TRIM71: variants seen among roughly 807,000 people sequenced by gnomAD.
TRIM71 encodes E3 ubiquitin-protein ligase TRIM71.
Under a neutral mutation model 61.2 loss-of-function variants are expected in TRIM71, and 9 were observed. The ratio of observed to expected loss-of-function variants is 0.15; its 90% CI spans 0.09 to 0.26. The LOEUF (loss-of-function observed/expected upper bound fraction) is 0.26. TRIM71 is among the 10% of genes least tolerant of loss of function. The probability of loss-of-function intolerance (pLI) is 1.00; values close to 1 mark genes in which losing one functional copy is unlikely to be tolerated. For synonymous variants in TRIM71, 645 were observed against 553.2 expected (o/e 1.17, Z -2.33); for missense variants, 998 against 1,238.7 (o/e 0.81, Z 2.92).
intron 2 of TRIM71, among the ~76,000 whole-genome samples, chr3:32,876,747 A>T (rs187404187): frequency 6.6e-6 from 1 of 152,328 alleles, no homozygotes; most frequent in African/African-American, 2.4e-5. Flanking sequence ...AAAAGCCACC[A>T]TGGGGGAGAA....
chr3:32,832,628 T>C lies in TRIM71; in HGVS notation c.852+13696T>C, dbSNP rs983933898. On this transcript the variant is annotated intron_variant, in intron 1 of 3. Transcript: ENST00000383763. ...TGAGCCTGGGAGGTGGAGGTTGTAG[T>C]GAGCTGAGATCATACCACTGCATTC... Among the ~76,000 whole-genome samples, 24 of 151,752 alleles carry C rather than the reference T, an allele frequency of 1.6e-4. 1 individual carries two copies.
chr3:32,818,423 C>T lies in TRIM71; in HGVS notation c.343C>T (p.Leu115=), dbSNP rs1215311921. ...GGACGCGCTGCCTTCGTCCGCCTTC[C>T]TGCTTAGCAACCTGCTCGACGCGGT... The part of the protein sequence containing the change: ...GMDALPSSAF[L]LSNLLDAVVA... The change falls in exon 1 of 4, where the codon CTG becomes TTG. Residue 115 remains leucine, a synonymous_variant. Transcript: ENST00000383763. 9 of 1,476,586 alleles carry T rather than the reference C, an allele frequency of 6.1e-6. No individual in the cohort carries two copies. Among genetic ancestry groups the T allele is most frequent in the Admixed American group, 2.3e-5 (1 of 44,072 alleles). The allele number at this position is 1,476,586 out of a possible 1,614,324, so 91.5% of individuals were successfully genotyped here. A position where few individuals can be genotyped will look rare whatever the true frequency, so the allele number is the denominator to read the frequency against.
rs1021813503 is a variant in TRIM71 at position 32,893,451 on chromosome 3, C to T, written c.*1640C>T. The T allele has an allele frequency of 6.6e-6, 1 of 152,154 alleles. No individual in the cohort carries two copies. Among genetic ancestry groups the T allele is most frequent in the Non-Finnish European group, 1.5e-5 (1 of 68,034 alleles). 9.4% of individuals were successfully genotyped at this position (152,154 alleles called of 1,614,324 possible). ...GTGCAAAGCAGATGTAGCTGATACCCTGCTTGTCAGAACCCAGTGGGTTCC... is the reference window on the plus strand; with the variant it reads ...GTGCAAAGCAGATGTAGCTGATACCTTGCTTGTCAGAACCCAGTGGGTTCC... On this transcript the variant is annotated 3_prime_UTR_variant, in exon 4 of 4. Coordinates refer to ENST00000383763, the MANE Select transcript of TRIM71 (RefSeq NM_001039111.3).
At chr3:32,866,335 G>GC (rs914026834) in intron 1 of TRIM71, among the ~76,000 whole-genome samples, 4 of 151,796 alleles carry the variant, frequency 2.6e-5, no homozygotes, top group African/African-American at 9.7e-5. Flanking sequence ...TGCAATCTCT[G>GC]CCCCCTGGGT....
chr3:32,878,370 G>A (rs1227800234), intron 2 of TRIM71, among the ~76,000 whole-genome samples: 2 of 152,210 alleles, frequency 1.3e-5, no homozygotes, highest in Non-Finnish European at 2.9e-5. Context: ...AGCACTTTGG[G>A]AGCCCGAGGC....
intron 2 of TRIM71, among the ~76,000 whole-genome samples, chr3:32,883,268 A>G (rs1012031847): frequency 6.6e-6 from 1 of 152,198 alleles, no homozygotes; most frequent in African/African-American, 2.4e-5. Flanking sequence ...TGTGGATGTA[A>G]TATCTGTCTG....
intron 1 of TRIM71, among the ~76,000 whole-genome samples, chr3:32,867,001 T>A (rs58840437): frequency 0.01 from 1,545 of 152,306 alleles, 25 homozygotes; most frequent in African/African-American, 0.035. Context: ...TACCTCTCCC[T>A]GGGTACCAGC....
intron 1 of TRIM71, among the ~76,000 whole-genome samples, chr3:32,852,444 C>G (rs1334434755): frequency 6.6e-6 from 1 of 152,160 alleles, no homozygotes; most frequent in Non-Finnish European, 1.5e-5. Context: ...GAGTGGGGCT[C>G]TCAGATGTGA....
intron 1 of TRIM71, among the ~76,000 whole-genome samples, chr3:32,826,116 C>T (rs1696198115): frequency 6.6e-6 from 1 of 152,174 alleles, no homozygotes; most frequent in Non-Finnish European, 1.5e-5. Flanking sequence ...TTGCTTACAA[C>T]TGGCTTTGAA....
intron 1 of TRIM71, among the ~76,000 whole-genome samples, chr3:32,858,631 C>G (rs370330804): frequency 6.6e-6 from 1 of 152,244 alleles, no homozygotes; most frequent in African/African-American, 2.4e-5. Flanking sequence ...GTTTTAGATG[C>G]AGTGGGATGA....
intron 2 of TRIM71, among the ~76,000 whole-genome samples, chr3:32,882,696 G>A (rs1020857174): frequency 2.0e-5 from 3 of 152,008 alleles, no homozygotes; most frequent in East Asian, 1.9e-4. Context: ...ATACACAAGC[G>A]CCACCATGCC....
In TRIM71 at chr3:32,870,970, T is replaced by A. The variant is rs112131677; in HGVS notation, c.853-2848T>A. On this transcript the variant is annotated intron_variant, in intron 1 of 3. Transcript: ENST00000383763. ...AGCGTGAGCCACCACGCCCAGCAAT[T>A]TTTTTTTTTTTTTTTGGTAGTTTGG... Among the ~76,000 whole-genome samples, 94 of 142,346 alleles carry A rather than the reference T, an allele frequency of 6.6e-4. 1 individual carries two copies. The highest frequency in any genetic ancestry group is 2.4e-3 in the African/African-American group (89 of 37,742). 93.4% of individuals were successfully genotyped at this position (142,346 alleles called of 152,430 possible). A position where few individuals can be genotyped will look rare whatever the true frequency, so the allele number is the denominator to read the frequency against.
At chr3:32,882,610 G>A (rs1696921757) in intron 2 of TRIM71, among the ~76,000 whole-genome samples, 1 of 152,104 alleles carries the variant, frequency 6.6e-6, no homozygotes, top group African/African-American at 2.4e-5. Context: ...CGGTGGTGCA[G>A]TCACAGCTTG....
At position 32,896,725 on chromosome 3, in the gene TRIM71, G is replaced by A. The variant is rs1371063582; in HGVS notation, c.*4914G>A. On this transcript the variant is annotated 3_prime_UTR_variant, in exon 4 of 4. Transcript: ENST00000383763. Reference sequence around the variant, plus strand: ...CCAATAATGGTTCTAAAAGTTTTGTGTATCCACATGGTCTTAGACCTCCTT... The same window carrying A: ...CCAATAATGGTTCTAAAAGTTTTGTATATCCACATGGTCTTAGACCTCCTT... The A allele has an allele frequency of 6.6e-6, 1 of 152,198 alleles. No individual in the cohort carries two copies. Among genetic ancestry groups the A allele is most frequent in the Non-Finnish European group, 1.5e-5 (1 of 68,040 alleles). 9.4% of individuals were successfully genotyped at this position (152,198 alleles called of 1,614,324 possible). A position where few individuals can be genotyped will look rare whatever the true frequency, so the allele number is the denominator to read the frequency against.
rs562982903 is a variant in TRIM71, at chr3:32,848,758, G to C, written c.853-25060G>C. 7.2e-5 allele frequency among the ~76,000 whole-genome samples: 11 copies of C among 152,246 alleles called. 1 individual carries two copies. In the South Asian group the frequency reaches 2.1e-3, roughly 29 times the overall value. On this transcript the variant is annotated intron_variant, in intron 1 of 3. Coordinates refer to ENST00000383763, the MANE Select transcript of TRIM71 (RefSeq NM_001039111.3). ...AAACCTGGGGCAGTGGCCAGGCTGTGGACCCAGTGGAGTCTGGGGATGGCG... is the reference window on the plus strand; with the variant it reads ...AAACCTGGGGCAGTGGCCAGGCTGTCGACCCAGTGGAGTCTGGGGATGGCG...
chr3:32,874,353 ACTACTACTACTACT>A (rs1177398198), intron 2 of TRIM71, among the ~76,000 whole-genome samples: 2 of 148,770 alleles, frequency 1.3e-5, no homozygotes, highest in African/African-American at 2.6e-5. Flanking sequence ...TACTACTACT[ACTACTACTACTACT>A]ACAACATATT....
At chr3:32,881,934 T>C (rs1599772) in intron 2 of TRIM71, among the ~76,000 whole-genome samples, 121,004 of 152,212 alleles carry the variant, frequency 0.79, 52,723 homozygotes, top group Non-Finnish European at 0.97. Flanking sequence ...TATCTTTGCA[T>C]GCTTGCTGAT....
intron 1 of TRIM71, among the ~76,000 whole-genome samples, chr3:32,840,528 G>C (rs1696392093): frequency 6.6e-6 from 1 of 152,284 alleles, no homozygotes; most frequent in Non-Finnish European, 1.5e-5. Flanking sequence ...ATTGCCTTCT[G>C]TGTTTATAAG....
At chr3:32,820,131 C>T (rs1479778259) in intron 1 of TRIM71, among the ~76,000 whole-genome samples, 1 of 152,184 alleles carries the variant, frequency 6.6e-6, no homozygotes, top group Non-Finnish European at 1.5e-5. Flanking sequence ...AAAGTCTTGA[C>T]TTAGAGCGTA....
Sources: gnomAD v4.1 joint callset for allele counts (sites outside exome capture counted in the v4.1 genomes callset) on GRCh38, gnomAD v4.1.1 for gene constraint, MANE v1.5 for transcripts, NCBI Gene and HGNC (gene_info 2026-07-23, HGNC 2026-07-21) for gene names.